TGFBI: variants seen among roughly 807,000 people sequenced by gnomAD.
TGFBI encodes transforming growth factor beta induced, also known as transforming growth factor-beta-induced protein ig-h3.
Under a neutral mutation model 73.7 loss-of-function variants are expected in TGFBI, and 50 were observed. The observed-to-expected ratio is 0.68, with a 90% CI of 0.54 to 0.86. TGFBI has a LOEUF of 0.86. TGFBI is among the 40% of genes least tolerant of loss of function. TGFBI has a pLI of 0.00. For missense variants in TGFBI, 839 were observed against 877.0 expected, an observed-to-expected ratio of 0.96 and a Z score of 0.55; for synonymous variants, 362 against 360.5, an observed-to-expected ratio of 1.00 and a Z score of -0.05.
chr5:136,050,827 G>A lies in TGFBI; in HGVS notation c.913+1247G>A, dbSNP rs546511581. The stretch of plus-strand genomic sequence containing the variant: ...TTTCTGAAAGCACAGATGGGAAGAC[G>A]GGATTTGTTCCGTGTCCAGGTGATT... On this transcript the variant is annotated intron_variant, in intron 7 of 16. Transcript: ENST00000442011. Among the ~76,000 whole-genome samples the A allele has an allele frequency of 2.0e-5, 3 of 152,338 alleles. No homozygotes were observed. In the South Asian group the frequency reaches 6.2e-4, roughly 32 times the overall value.
At chr5:136,044,773 T>A (rs1751398757) in intron 3 of TGFBI, 1 of 152,250 alleles carries the variant, frequency 6.6e-6, no homozygotes, top group African/African-American at 2.4e-5. Context: ...TGTTTTAATT[T>A]TGAAATAGAG....
At position 136,060,839 on chromosome 5, in the gene TGFBI, C is replaced by T. The variant is rs746086626; in HGVS notation, c.1809C>T (p.Asn603=). The T allele has an allele frequency of 1.9e-5, 31 of 1,596,886 alleles. No homozygotes were observed. The South Asian group carries it at 3.2e-4, about 16-fold the overall frequency. ...CTACTCTGTTTTTCTTTTAGAAAAACAATGTGGTGAGTGTCAACAAGGAGC... is the reference window on the plus strand; with the variant it reads ...CTACTCTGTTTTTCTTTTAGAAAAATAATGTGGTGAGTGTCAACAAGGAGC... The part of the protein sequence containing the change: ...QGDKLEVSLK[N]NVVSVNKEPV... The change falls in exon 14 of 17, where the codon AAC becomes AAT. Residue 603 remains asparagine, a synonymous_variant. Coordinates refer to ENST00000442011, the MANE Select transcript of TGFBI (RefSeq NM_000358.3).
intron 2 of TGFBI, among the ~76,000 whole-genome samples, chr5:136,038,265 G>T (rs1751265697): frequency 6.6e-6 from 1 of 152,178 alleles, no homozygotes; most frequent in Non-Finnish European, 1.5e-5. Flanking sequence ...GTAGAAACAT[G>T]ACTTCCCAAA....
At chr5:136,032,307 A>G (rs1055760678) in intron 1 of TGFBI, among the ~76,000 whole-genome samples, 2 of 152,058 alleles carry the variant, frequency 1.3e-5, no homozygotes, top group African/African-American at 4.8e-5. Flanking sequence ...TCCTGGGCCC[A>G]CTCACTTTCA....
At chr5:136,053,202 A>G (rs1001529194) in intron 8 of TGFBI, 83 bp downstream of exon 8, 6 of 1,397,394 alleles carry the variant, frequency 4.3e-6, no homozygotes, top group African/African-American at 4.3e-5. Flanking sequence ...GGGGAAATTC[A>G]GAGATCTTTG....
chr5:136,063,669 TG>T lies in TGFBI; in HGVS notation c.*444del. The T allele has an allele frequency of 5.9e-5, 10 of 169,098 alleles. No individual in the cohort carries two copies. The highest frequency in any genetic ancestry group is 1.7e-4 in the South Asian group (1 of 6,000). The allele number at this position is 169,098 out of a possible 1,614,324, so 10.5% of individuals were successfully genotyped here. A position where few individuals can be genotyped will look rare whatever the true frequency, so the allele number is the denominator to read the frequency against. On this transcript the variant is annotated 3_prime_UTR_variant, in exon 17 of 17. Transcript: ENST00000442011. The stretch of plus-strand genomic sequence containing the variant: ...CATCATTATAAGCTATGAGTTGAAA[TG>T]TTCTGTCAAATGTGTCTCACATCTA...
chr5:136,035,346 G>A (rs533566256), intron 2 of TGFBI, among the ~76,000 whole-genome samples: 3 of 152,262 alleles, frequency 2.0e-5, no homozygotes, highest in East Asian at 1.9e-4. Flanking sequence ...AAGATGGGCC[G>A]GGCACAGTGG....
intron 2 of TGFBI, among the ~76,000 whole-genome samples, chr5:136,036,158 G>T (rs1751217318): frequency 6.6e-6 from 1 of 152,156 alleles, no homozygotes. Context: ...TGATGTGGTG[G>T]CGCAGCTCCC....
At chr5:136,061,793 G>A (rs554224645) in intron 15 of TGFBI, among the ~76,000 whole-genome samples, 13 of 152,326 alleles carry the variant, frequency 8.5e-5, no homozygotes, top group African/African-American at 2.9e-4. Flanking sequence ...GGGCCAAAGC[G>A]CAGGCTTTCA....
intron 4 of TGFBI, 68 bp downstream of exon 4, chr5:136,046,563 A>C (rs1751431812): frequency 1.3e-6 from 2 of 1,493,458 alleles, no homozygotes; most frequent in Admixed American, 2.2e-5. Context: ...AGGGGTGGGC[A>C]TGATGAATGG....
At chr5:136,055,017 G>A in intron 10 of TGFBI, 156 bp downstream of exon 10, 1 of 899,114 alleles carries the variant, frequency 1.1e-6, no homozygotes, top group Non-Finnish European at 1.7e-6. Flanking sequence ...ATAACAAAAT[G>A]AGATCCTGCA....
intron 15 of TGFBI, among the ~76,000 whole-genome samples, chr5:136,061,883 A>G (rs923351320): frequency 1.3e-5 from 2 of 152,226 alleles, no homozygotes; most frequent in African/African-American, 4.8e-5. Context: ...CATCTGCCCA[A>G]GAGGGCAGCC....
chr5:136,034,720 T>C (rs552001987), intron 2 of TGFBI, among the ~76,000 whole-genome samples: 1 of 152,242 alleles, frequency 6.6e-6, no homozygotes, highest in East Asian at 1.9e-4. Context: ...CTAACAATTC[T>C]GGGGAAACCT....
Position 136,032,676 on chromosome 5 carries a change from T to C in TGFBI, c.135-1087T>C, listed in dbSNP as rs534898919. On this transcript the variant is annotated intron_variant, in intron 1 of 16. Transcript: ENST00000442011. ...ATTGTTTGTTTTATTTGCTTTCCTCTGACTTGTGATTCAGTCAGATGCATG... is the reference window on the plus strand; with the variant it reads ...ATTGTTTGTTTTATTTGCTTTCCTCCGACTTGTGATTCAGTCAGATGCATG... Among the ~76,000 whole-genome samples the C allele has an allele frequency of 5.9e-5, 9 of 152,332 alleles. No homozygotes were observed. The East Asian group carries it at 1.7e-3, about 29-fold the overall frequency.
At chr5:136,060,589 A>T (rs1322342087) in intron 13 of TGFBI, among the ~76,000 whole-genome samples, 3 of 152,170 alleles carry the variant, frequency 2.0e-5, no homozygotes, top group African/African-American at 7.2e-5. Context: ...ACATGCCTGT[A>T]ATCACAGCTA....
intron 13 of TGFBI, among the ~76,000 whole-genome samples, chr5:136,059,809 C>T (rs1561615549): frequency 6.6e-6 from 1 of 152,234 alleles, no homozygotes; most frequent in Non-Finnish European, 1.5e-5. Flanking sequence ...ACTCTCTGCT[C>T]CTCTCTCTTG....
intron 11 of TGFBI, 154 bp from the exon 12 acceptor site, chr5:136,056,511 C>A: frequency 1.2e-6 from 1 of 868,738 alleles, no homozygotes; most frequent in Non-Finnish European, 1.8e-6. Flanking sequence ...TTTGTGCATA[C>A]GGAGGGCATG....
At chr5:136,051,435 AAAAACAAAAC>A (rs546835177) in intron 7 of TGFBI, among the ~76,000 whole-genome samples, 25 of 152,182 alleles carry the variant, frequency 1.6e-4, no homozygotes, top group African/African-American at 2.9e-4. Context: ...CTCAAAAGAA[AAAAACAAAAC>A]AAAACAAAAC....
chr5:136,031,743 T>G (rs941559955), intron 1 of TGFBI, among the ~76,000 whole-genome samples: 6 of 152,242 alleles, frequency 3.9e-5, no homozygotes, highest in African/African-American at 1.4e-4. Context: ...AAATCTAAGC[T>G]GAACATCAAT....
Sources: gnomAD v4.1 joint callset for allele counts (sites outside exome capture counted in the v4.1 genomes callset) on GRCh38, gnomAD v4.1.1 for gene constraint, MANE v1.5 for transcripts, NCBI Gene and HGNC (gene_info 2026-07-23, HGNC 2026-07-21) for gene names.